Variants in GLCCI1 observed in about 807,000 individuals in gnomAD.
GLCCI1 encodes glucocorticoid induced 1.
Under a neutral mutation model 52.2 loss-of-function variants are expected in GLCCI1, and 24 were observed. The observed-to-expected ratio is 0.46, with a 90% CI of 0.33 to 0.65. The LOEUF is 0.65. Among genes scored for constraint, GLCCI1 ranks in the 30% least tolerant of loss-of-function variants. The probability of loss-of-function intolerance (pLI) is 0.02; values close to 1 mark genes in which losing one functional copy is unlikely to be tolerated. For synonymous variants in GLCCI1, 310 were observed against 276.5 expected (o/e 1.12, Z -1.20); for missense variants, 704 against 701.5 (o/e 1.00, Z -0.04).
intron 1 of GLCCI1, among the ~76,000 whole-genome samples, chr7:7,998,758 T>G (rs771189748): frequency 9.9e-5 from 15 of 152,186 alleles, no homozygotes; most frequent in Non-Finnish European, 1.8e-4. Context: ...ATGTTTAAAT[T>G]TATTAGATCT....
At chr7:8,023,387 C>T (rs1257089948) in intron 3 of GLCCI1, among the ~76,000 whole-genome samples, 1 of 151,902 alleles carries the variant, frequency 6.6e-6, no homozygotes, top group Non-Finnish European at 1.5e-5. Flanking sequence ...GTTTCTATGA[C>T]CCGTTTCCTT....
chr7:8,073,800 C>T (rs1782817773), intron 6 of GLCCI1, among the ~76,000 whole-genome samples: 2 of 152,124 alleles, frequency 1.3e-5, no homozygotes, highest in African/African-American at 4.8e-5. Flanking sequence ...AAGATCACCT[C>T]AGTTTGAGAA....
At chr7:8,055,650 C>G in intron 4 of GLCCI1, 101 bp downstream of exon 4, 1 of 754,798 alleles carries the variant, frequency 1.3e-6, no homozygotes, top group Non-Finnish European at 2.2e-6. Flanking sequence ...ATATTTAGCT[C>G]TACTAAATTA....
intron 1 of GLCCI1, among the ~76,000 whole-genome samples, chr7:7,983,953 A>T (rs753536474): frequency 9.2e-5 from 14 of 152,360 alleles, no homozygotes; most frequent in Middle Eastern, 3.4e-3. Flanking sequence ...CATAGTCCAC[A>T]TATTAAAAGA....
chr7:7,977,154 C>T (rs910793110), intron 1 of GLCCI1, among the ~76,000 whole-genome samples: 8 of 152,112 alleles, frequency 5.3e-5, no homozygotes, highest in African/African-American at 1.7e-4. Flanking sequence ...TCTGATGAAA[C>T]ATTTTCTAAC....
chr7:8,029,010 T>C (rs1781688390), intron 3 of GLCCI1, among the ~76,000 whole-genome samples: 2 of 152,144 alleles, frequency 1.3e-5, no homozygotes, highest in South Asian at 4.1e-4. Flanking sequence ...ACCGCTGAAT[T>C]CTACCAAACA....
At chr7:8,083,081 C>T (rs1783031449) in intron 6 of GLCCI1, among the ~76,000 whole-genome samples, 1 of 152,152 alleles carries the variant, frequency 6.6e-6, no homozygotes, top group Non-Finnish European at 1.5e-5. Flanking sequence ...CAGTAATCTC[C>T]ATGGAGGCAT....
chr7:8,056,770 C>G (rs914907033), intron 4 of GLCCI1, among the ~76,000 whole-genome samples: 6 of 152,134 alleles, frequency 3.9e-5, no homozygotes, highest in African/African-American at 1.4e-4. Flanking sequence ...TAAATAACCT[C>G]TTACTAAACT....
chr7:7,969,243 C>T lies in GLCCI1; in HGVS notation c.-108C>T, dbSNP rs1780281248. 2.0e-6 allele frequency: 2 copies of T among 1,021,386 alleles called. No individual in the cohort carries two copies. The highest frequency in any genetic ancestry group is 1.7e-5 in the African/African-American group (1 of 58,556). The allele number at this position is 1,021,386 out of a possible 1,614,324, so 63.3% of individuals were successfully genotyped here. A position where few individuals can be genotyped will look rare whatever the true frequency, so the allele number is the denominator to read the frequency against. On this transcript the variant is annotated 5_prime_UTR_variant, in exon 1 of 8. Transcript: ENST00000223145. This position sits in a 1 kb window ranked among gnomAD's most constrained non-coding sequence, Gnocchi z 4.9. The stretch of plus-strand genomic sequence containing the variant: ...CCCCCACAGCGATACCCCCGCCCCT[C>T]CCCCTTACACACTCGCACGCACTAT...
intron 1 of GLCCI1, among the ~76,000 whole-genome samples, chr7:7,984,147 G>C (rs1401186039): frequency 6.6e-6 from 1 of 152,110 alleles, no homozygotes; most frequent in Non-Finnish European, 1.5e-5. Context: ...TGCAGCCTCA[G>C]CTTCCTGGGC....
intron 1 of GLCCI1, among the ~76,000 whole-genome samples, chr7:7,995,633 C>G (rs577705281): frequency 6.6e-6 from 1 of 152,150 alleles, no homozygotes; most frequent in Admixed American, 6.5e-5. Flanking sequence ...CCATCATTCT[C>G]GGCAAACTAT....
chr7:8,036,852 G>C (rs1290175068), intron 3 of GLCCI1, among the ~76,000 whole-genome samples: 2 of 152,044 alleles, frequency 1.3e-5, no homozygotes, highest in Admixed American at 1.3e-4. Context: ...GCTAGAAAAA[G>C]AAAACAGAAT....
chr7:7,969,539 C>T lies in GLCCI1; in HGVS notation c.189C>T (p.Pro63=), dbSNP rs1780293116. 6 of 996,490 alleles carry T rather than the reference C, an allele frequency of 6.0e-6. No homozygotes were observed. The highest frequency in any genetic ancestry group is 8.8e-5 in the South Asian group (2 of 22,848). 61.7% of individuals were successfully genotyped at this position (996,490 alleles called of 1,614,324 possible). Residue 63 remains proline (P), a synonymous_variant, in exon 1 of 8, where the codon CCC becomes CCT. Coordinates refer to ENST00000223145, the MANE Select transcript of GLCCI1 (RefSeq NM_138426.4). This position sits in a 1 kb window ranked among gnomAD's most constrained non-coding sequence, Gnocchi z 4.9. The stretch of plus-strand genomic sequence containing the variant: ...CGGGAGCCGGCCGGCTGCTGCAGCC[C>T]ATCCGCGCCACGGTGCCCTACCAGC... ...PAAGAGRLLQ[P]IRATVPYQLL...
At chr7:8,012,537 T>C (rs896100478) in intron 2 of GLCCI1, among the ~76,000 whole-genome samples, 2 of 140,862 alleles carry the variant, frequency 1.4e-5, no homozygotes, top group African/African-American at 5.2e-5. Flanking sequence ...CTCCACCTCC[T>C]GGGTTCATGC....
intron 3 of GLCCI1, among the ~76,000 whole-genome samples, chr7:8,029,090 A>G (rs1012826340): frequency 3.3e-5 from 5 of 152,202 alleles, no homozygotes; most frequent in African/African-American, 4.8e-5. Flanking sequence ...AATACTTTCA[A>G]ACTCATTCTA....
intron 3 of GLCCI1, among the ~76,000 whole-genome samples, chr7:8,036,775 C>T (rs1252553024): frequency 1.3e-5 from 2 of 152,036 alleles, no homozygotes; most frequent in African/African-American, 4.8e-5. Context: ...AAAGTTTTAA[C>T]AAGTAGACTA....
intron 2 of GLCCI1, among the ~76,000 whole-genome samples, chr7:8,020,312 A>G (rs147580267): frequency 1.4e-4 from 22 of 152,340 alleles, no homozygotes; most frequent in South Asian, 1.0e-3. Context: ...ACTGTTAGGT[A>G]TACCATCCAT....
intron 5 of GLCCI1, chr7:8,070,466 A>G (rs1468162164): frequency 6.4e-6 from 1 of 155,634 alleles, no homozygotes; most frequent in East Asian, 1.9e-4. Context: ...TAAAAATTAA[A>G]CTAGGAAGGA....
intron 1 of GLCCI1, among the ~76,000 whole-genome samples, chr7:7,994,739 C>T (rs879367710): frequency 1.3e-5 from 2 of 152,190 alleles, no homozygotes; most frequent in Non-Finnish European, 2.9e-5. Flanking sequence ...AAAATCTATT[C>T]TGCCAGCATC....
Sources: gnomAD v4.1 joint callset for allele counts (sites outside exome capture counted in the v4.1 genomes callset) on GRCh38, gnomAD v4.1.1 for gene constraint, Gnocchi (gnomAD v3.1) non-coding constraint, MANE v1.5 for transcripts, NCBI Gene and HGNC (gene_info 2026-07-23, HGNC 2026-07-21) for gene names.